NFIA: variants seen among roughly 807,000 people sequenced by gnomAD.
The protein encoded by NFIA is nuclear factor I A.
NFIA carries 8 observed loss-of-function variants against 62.8 expected under a neutral mutation model. That is an observed-to-expected ratio of 0.13 (90% CI 0.07 to 0.23). The LOEUF (loss-of-function observed/expected upper bound fraction) is 0.23. Among genes scored for constraint, NFIA ranks in the 10% least tolerant of loss-of-function variants. The pLI is 1.00. For missense variants in NFIA, 410 were observed against 642.1 expected (o/e 0.64, Z 3.91); for synonymous variants, 235 against 238.1 (o/e 0.99, Z 0.12).
chr1:61,334,555 G>GTGTGTGTGTATA (rs1470465999), intron 4 of NFIA, among the ~76,000 whole-genome samples: 1 of 97,500 alleles, frequency 1.0e-5, no homozygotes, highest in African/African-American at 3.8e-5. Flanking sequence ...GTGTGTGTGT[G>GTGTGTGTGTATA]TATATATATA....
intron 10 of NFIA, among the ~76,000 whole-genome samples, chr1:61,442,490 A>G (rs939893400): frequency 6.6e-6 from 1 of 152,168 alleles, no homozygotes; most frequent in African/African-American, 2.4e-5. Flanking sequence ...CACATGAATA[A>G]ATTAAATCCT....
intron 4 of NFIA, among the ~76,000 whole-genome samples, chr1:61,334,555 G>GTGTGTGTA (rs1470465999): frequency 1.0e-5 from 1 of 97,500 alleles, no homozygotes; most frequent in African/African-American, 3.8e-5. Context: ...GTGTGTGTGT[G>GTGTGTGTA]TATATATATA....
chr1:61,196,223 A>T lies in NFIA; in HGVS notation c.560-81297A>T, dbSNP rs77791038. Among the ~76,000 whole-genome samples, 73 of 152,314 alleles carry T rather than the reference A, an allele frequency of 4.8e-4. No homozygotes were observed. In the East Asian group the frequency reaches 0.013, roughly 27 times the overall value. ...GTGCTACTGAAAACCTCAAGTAGGG[A>T]ATCAATACCTAAAATTTGATTTGGA... On this transcript the variant is annotated intron_variant, in intron 2 of 10. Transcript: ENST00000403491.
intron 3 of NFIA, among the ~76,000 whole-genome samples, chr1:61,317,905 T>C (rs557295488): frequency 9.2e-5 from 14 of 152,260 alleles, no homozygotes; most frequent in African/African-American, 2.9e-4. Flanking sequence ...GACAAACTTA[T>C]GAAGTAAGTA....
intron 2 of NFIA, among the ~76,000 whole-genome samples, chr1:61,144,422 A>G (rs927500338): frequency 3.3e-5 from 5 of 152,202 alleles, no homozygotes; most frequent in Non-Finnish European, 5.9e-5. Flanking sequence ...GTGTGTGTAC[A>G]TGTGAGTGTT....
At chr1:61,415,621 G>A (rs549145393) in intron 9 of NFIA, among the ~76,000 whole-genome samples, 1 of 152,140 alleles carries the variant, frequency 6.6e-6, no homozygotes, top group Non-Finnish European at 1.5e-5. Flanking sequence ...TATTAGATTA[G>A]CAAAGATCAA....
At chr1:61,403,670 T>C (rs536117873) in intron 7 of NFIA, among the ~76,000 whole-genome samples, 4 of 152,312 alleles carry the variant, frequency 2.6e-5, no homozygotes, top group East Asian at 1.9e-4. Context: ...GTATAAGAGG[T>C]TTAACAATGA....
chr1:61,411,908 A>G (rs1666122981), intron 9 of NFIA, among the ~76,000 whole-genome samples: 1 of 151,758 alleles, frequency 6.6e-6, no homozygotes, highest in South Asian at 2.1e-4. Flanking sequence ...AATGAAAGCA[A>G]GGGGGTGAGG....
At chr1:61,370,477 C>T (rs1021083239) in intron 6 of NFIA, among the ~76,000 whole-genome samples, 1 of 152,186 alleles carries the variant, frequency 6.6e-6, no homozygotes, top group African/African-American at 2.4e-5. Context: ...TACTTTGAAG[C>T]ATCTGTTAAA....
intron 2 of NFIA, among the ~76,000 whole-genome samples, chr1:61,182,792 C>T (rs996913712): frequency 1.3e-5 from 2 of 152,140 alleles, no homozygotes; most frequent in Admixed American, 6.5e-5. Context: ...ATTTCATTTG[C>T]AGCATTAGGG....
chr1:61,456,384 AAAC>A lies in NFIA; in HGVS notation c.*1067_*1069del, dbSNP rs1260543593. 2.6e-5 allele frequency: 4 copies of A among 151,974 alleles called. No individual in the cohort carries two copies. Among genetic ancestry groups the A allele is most frequent in the African/African-American group, 4.8e-5 (2 of 41,276 alleles). The allele number at this position is 151,974 out of a possible 1,614,324, so 9.4% of individuals were successfully genotyped here. A position where few individuals can be genotyped will look rare whatever the true frequency, so the allele number is the denominator to read the frequency against. On this transcript the variant is annotated 3_prime_UTR_variant, in exon 11 of 11. Transcript: ENST00000403491. ...AAAACTGAAGGAAATTAAAAAAAAAAAACAAAAAAACAAATCTAATGGTGCTTT... is the reference window on the plus strand; with the variant it reads ...AAAACTGAAGGAAATTAAAAAAAAAAAAAAAAACAAATCTAATGGTGCTTT...
chr1:61,373,511 G>A (rs1279192840), intron 6 of NFIA, among the ~76,000 whole-genome samples: 3 of 152,020 alleles, frequency 2.0e-5, no homozygotes, highest in African/African-American at 4.8e-5. Context: ...TCCCAAACAT[G>A]GACCCTCACA....
chr1:61,234,308 G>A (rs569682321), intron 2 of NFIA, among the ~76,000 whole-genome samples: 2 of 149,856 alleles, frequency 1.3e-5, no homozygotes, highest in East Asian at 2.0e-4. Context: ...CGGAGGTTGC[G>A]GTGAACCGAG....
chr1:61,371,230 A>C (rs962052458), intron 6 of NFIA, among the ~76,000 whole-genome samples: 1 of 152,184 alleles, frequency 6.6e-6, no homozygotes, highest in Non-Finnish European at 1.5e-5. Context: ...AAGGCTTAAA[A>C]GTAGTATGGG....
At chr1:61,195,186 A>T (rs935375558) in intron 2 of NFIA, among the ~76,000 whole-genome samples, 1 of 152,168 alleles carries the variant, frequency 6.6e-6, no homozygotes, top group Non-Finnish European at 1.5e-5. Context: ...CTTGGTGTAC[A>T]TTTGTAAGTT....
At chr1:61,319,545 T>C (rs1478997558) in intron 3 of NFIA, among the ~76,000 whole-genome samples, 3 of 152,138 alleles carry the variant, frequency 2.0e-5, no homozygotes, top group African/African-American at 7.2e-5. Flanking sequence ...TCTGTCTGTT[T>C]GCGAGTGACA....
chr1:61,247,392 G>A (rs893134968), intron 2 of NFIA, among the ~76,000 whole-genome samples: 3 of 152,180 alleles, frequency 2.0e-5, no homozygotes, highest in South Asian at 2.1e-4. Flanking sequence ...CCGGTTCTTC[G>A]TATAGGGAGC....
At chr1:61,099,309 G>C (rs889263650) in intron 2 of NFIA, among the ~76,000 whole-genome samples, 1 of 152,178 alleles carries the variant, frequency 6.6e-6, no homozygotes, top group African/African-American at 2.4e-5. Flanking sequence ...TAGAATTGGA[G>C]GGAAACAGAC....
chr1:61,158,978 G>A (rs1311975321), intron 2 of NFIA, among the ~76,000 whole-genome samples: 1 of 152,164 alleles, frequency 6.6e-6, no homozygotes, highest in Non-Finnish European at 1.5e-5. Flanking sequence ...CCACCCTGGA[G>A]TAGTTGCATT....
Sources: gnomAD v4.1 joint callset for allele counts (sites outside exome capture counted in the v4.1 genomes callset) on GRCh38, gnomAD v4.1.1 for gene constraint, MANE v1.5 for transcripts, NCBI Gene and HGNC (gene_info 2026-07-23, HGNC 2026-07-21) for gene names.